Variants in SUSD6 observed in about 807,000 individuals in gnomAD.
SUSD6 encodes sushi domain containing 6, also known as sushi domain-containing protein 6.
Under a neutral mutation model 28.4 loss-of-function variants are expected in SUSD6, and 16 were observed. The ratio of observed to expected loss-of-function variants is 0.56; its 90% CI spans 0.38 to 0.86. SUSD6 has a LOEUF of 0.86. Among genes scored for constraint, SUSD6 ranks in the 40% least tolerant of loss-of-function variants. The pLI, the probability that SUSD6 is intolerant of heterozygous loss-of-function variation, is 0.00. For synonymous variants in SUSD6, 147 were observed against 159.6 expected, an observed-to-expected ratio of 0.92 and a Z score of 0.59; for missense variants, 341 against 384.2, an observed-to-expected ratio of 0.89 and a Z score of 0.94.
At chr14:69,613,259 G>C (rs1044394684) in intron 1 of SUSD6, among the ~76,000 whole-genome samples, 4 of 152,102 alleles carry the variant, frequency 2.6e-5, no homozygotes, top group Non-Finnish European at 4.4e-5. Context: ...TTCTAGTTGA[G>C]ACCCAAACCA....
At chr14:69,710,572 G>A (rs544014781) in intron 5 of SUSD6, among the ~76,000 whole-genome samples, 53 of 152,284 alleles carry the variant, frequency 3.5e-4, no homozygotes, top group African/African-American at 1.2e-3. Flanking sequence ...ACCAAAAGAA[G>A]GGAAGTGATT....
intron 1 of SUSD6, among the ~76,000 whole-genome samples, chr14:69,627,694 G>A (rs187329793): frequency 6.0e-4 from 92 of 152,124 alleles, no homozygotes; most frequent in Middle Eastern, 6.8e-3. Context: ...TCGATCTCCT[G>A]ACCTCATGAT....
chr14:69,677,482 G>A (rs1338871130), intron 2 of SUSD6, among the ~76,000 whole-genome samples: 1 of 151,812 alleles, frequency 6.6e-6, no homozygotes, highest in Non-Finnish European at 1.5e-5. Context: ...GGGAGGCGGA[G>A]CTTCCAGTGA....
intron 2 of SUSD6, among the ~76,000 whole-genome samples, chr14:69,679,872 G>T (rs953263438): frequency 6.6e-6 from 1 of 151,990 alleles, no homozygotes; most frequent in Admixed American, 6.6e-5. Context: ...TATTTTTATG[G>T]GTGGCGTCTG....
At chr14:69,696,673 C>G (rs1886229128) in intron 2 of SUSD6, among the ~76,000 whole-genome samples, 1 of 152,206 alleles carries the variant, frequency 6.6e-6, no homozygotes, top group African/African-American at 2.4e-5. Flanking sequence ...CAGACCTGTC[C>G]TGACTGCTGG....
At chr14:69,698,520 C>T (rs1026538694) in intron 2 of SUSD6, among the ~76,000 whole-genome samples, 2 of 152,142 alleles carry the variant, frequency 1.3e-5, no homozygotes, top group African/African-American at 4.8e-5. Flanking sequence ...TGGGGCCTTT[C>T]CTGGAGCTTA....
At chr14:69,677,007 C>T (rs1292941972) in intron 2 of SUSD6, among the ~76,000 whole-genome samples, 2 of 152,300 alleles carry the variant, frequency 1.3e-5, no homozygotes, top group South Asian at 2.1e-4. Flanking sequence ...TTGCAGAAAG[C>T]ATTAGGAACC....
intron 1 of SUSD6, among the ~76,000 whole-genome samples, chr14:69,655,196 T>G (rs1440540994): frequency 1.3e-5 from 2 of 152,184 alleles, no homozygotes; most frequent in Non-Finnish European, 2.9e-5. Context: ...CCAGGTTATT[T>G]TTTTCACATA....
intron 4 of SUSD6, among the ~76,000 whole-genome samples, chr14:69,706,485 G>T (rs760953424): frequency 1.3e-5 from 2 of 151,988 alleles, no homozygotes; most frequent in Non-Finnish European, 2.9e-5. Context: ...CTGAGACAGG[G>T]TCTCACTCAT....
chr14:69,678,753 T>A (rs532900303), intron 2 of SUSD6, among the ~76,000 whole-genome samples: 1 of 152,140 alleles, frequency 6.6e-6, no homozygotes, highest in Admixed American at 6.5e-5. Flanking sequence ...CAGTGAGCCA[T>A]AAATGTGCCA....
intron 2 of SUSD6, among the ~76,000 whole-genome samples, chr14:69,660,608 CT>C (rs1447328325): frequency 6.6e-6 from 1 of 152,276 alleles, no homozygotes; most frequent in Non-Finnish European, 1.5e-5. Context: ...GGTTGACTCT[CT>C]TATTCACCAC....
chr14:69,628,443 G>C (rs1054504024), intron 1 of SUSD6, among the ~76,000 whole-genome samples: 13 of 152,134 alleles, frequency 8.5e-5, no homozygotes, highest in Admixed American at 5.2e-4. Flanking sequence ...TTATTCCTTT[G>C]GGTTAAGACA....
chr14:69,712,131 G>A lies in SUSD6; in HGVS notation c.*1152G>A, dbSNP rs1378079583. 2 of 152,408 alleles carry A rather than the reference G, an allele frequency of 1.3e-5. No individual in the cohort carries two copies. The highest frequency in any genetic ancestry group is 4.8e-5 in the African/African-American group (2 of 41,470). 9.4% of individuals were successfully genotyped at this position (152,408 alleles called of 1,614,324 possible). ...TCACGTGCCTTAGTAACTGTGCCCA[G>A]GAAGTGGCCTGCTGCTTGCTGTGCT... On this transcript the variant is annotated 3_prime_UTR_variant, in exon 6 of 6. Transcript: ENST00000342745.
At chr14:69,700,047 G>A (rs1886292409) in intron 2 of SUSD6, among the ~76,000 whole-genome samples, 1 of 152,060 alleles carries the variant, frequency 6.6e-6, no homozygotes. Context: ...CTGTACACGT[G>A]GTGACAAAGA....
Position 69,658,501 on chromosome 14 carries a change from T to G in SUSD6, c.-80-12T>G, listed in dbSNP as rs993665894. 3 of 1,361,030 alleles carry G rather than the reference T, an allele frequency of 2.2e-6. No homozygotes were observed. The highest frequency in any genetic ancestry group is 2.9e-5 in the African/African-American group (2 of 68,654). The allele number at this position is 1,361,030 out of a possible 1,614,324, so 84.3% of individuals were successfully genotyped here. A position where few individuals can be genotyped will look rare whatever the true frequency, so the allele number is the denominator to read the frequency against. ...GAAGTTTTCACTTTATGTCCTTGTT[T>G]GTTTGTTACAGGTGAATCAGCTCCC... is the stretch of plus-strand genomic sequence containing the variant. On this transcript the variant is annotated splice_polypyrimidine_tract_variant and intron_variant, in intron 1 of 5. Coordinates refer to ENST00000342745, the MANE Select transcript of SUSD6 (RefSeq NM_014734.4).
chr14:69,614,831 C>G (rs1158750988), intron 1 of SUSD6, among the ~76,000 whole-genome samples: 2 of 152,194 alleles, frequency 1.3e-5, no homozygotes, highest in African/African-American at 2.4e-5. Context: ...GTTGTCTTTC[C>G]CCTCTAGTTC....
intron 1 of SUSD6, 135 bp from the exon 2 acceptor site, chr14:69,658,378 C>T (rs2139614623): frequency 1.8e-6 from 1 of 562,216 alleles, no homozygotes; most frequent in East Asian, 3.2e-5. Context: ...CTTGCCTCTC[C>T]TGGCAGCAGG....
intron 2 of SUSD6, among the ~76,000 whole-genome samples, chr14:69,694,817 A>G (rs952275258): frequency 1.3e-5 from 2 of 152,168 alleles, no homozygotes; most frequent in Admixed American, 6.5e-5. Flanking sequence ...GCCCAGGCCT[A>G]AAACAAGATG....
chr14:69,700,027 C>G (rs913457053), intron 2 of SUSD6, among the ~76,000 whole-genome samples: 1 of 152,124 alleles, frequency 6.6e-6, no homozygotes, highest in Non-Finnish European at 1.5e-5. Context: ...ACCATGTTGC[C>G]TGGTCCTTAC....
Sources: allele counts gnomAD v4.1 joint callset (sites outside exome capture counted in the v4.1 genomes callset), GRCh38; gene constraint gnomAD v4.1.1; transcripts MANE v1.5; gene names NCBI Gene and HGNC (gene_info 2026-07-23, HGNC 2026-07-21).